BARD1: variants seen among roughly 807,000 people sequenced by gnomAD.
The protein encoded by BARD1 is BRCA1-associated RING domain protein 1.
A neutral mutation model predicts 77.0 loss-of-function variants in BARD1; 73 were observed. The ratio of observed to expected loss-of-function variants is 0.95; its 90% CI spans 0.79 to 1.15. The LOEUF (loss-of-function observed/expected upper bound fraction) is 1.15. Ranked by LOEUF, BARD1 falls within the 50% of genes most tolerant of loss-of-function variation. BARD1 has a pLI of 0.00. For missense variants in BARD1, 993 were observed against 938.8 expected, an observed-to-expected ratio of 1.06 and a Z score of -0.75; for synonymous variants, 384 against 338.0, an observed-to-expected ratio of 1.14 and a Z score of -1.49.
chr2:214,739,413 C>T (rs1012367739), intron 9 of BARD1, among the ~76,000 whole-genome samples: 4 of 152,040 alleles, frequency 2.6e-5, no homozygotes, highest in Non-Finnish European at 5.9e-5. Context: ...TCCTTTGATT[C>T]TATTAAAAAT....
At chr2:214,792,250 G>GT (rs1559436693) in intron 3 of BARD1, 47 bp downstream of exon 3, 2 of 1,579,566 alleles carry the variant, frequency 1.3e-6, no homozygotes, top group African/African-American at 2.7e-5. Flanking sequence ...GAATTCATCA[G>GT]TTTTTAACTG....
At chr2:214,740,377 T>C (rs1483575031) in intron 9 of BARD1, among the ~76,000 whole-genome samples, 1 of 149,426 alleles carries the variant, frequency 6.7e-6, no homozygotes, top group African/African-American at 2.5e-5. Context: ...CCAATTATTA[T>C]TACAACTTGA....
chr2:214,809,440 G>C lies in BARD1; in HGVS notation c.130C>G (p.Leu44Val), dbSNP rs876658807. The change falls in exon 1 of 11, where the codon CTG becomes GTG. Residue 44 changes from leucine to valine, a missense_variant. Leu to Val is a conservative substitution (Grantham distance 32). Transcript: ENST00000260947. ...CGCGAGCAGCGCAGCAGCTTCTCCA[G>C]GCGGTCGAGCGCGGCGCGACTGTGG... ...WAHSRAALDR[L>V]EKLLRCSRCT... 3.1e-6 allele frequency: 5 copies of C among 1,612,140 alleles called. No homozygotes were observed. The Admixed American group carries it at 8.3e-5, about 27-fold the overall frequency.
intron 6 of BARD1, among the ~76,000 whole-genome samples, chr2:214,758,479 C>T (rs1358187189): frequency 2.0e-5 from 3 of 152,182 alleles, no homozygotes; most frequent in Non-Finnish European, 2.9e-5. Context: ...CTCATATCTT[C>T]ATTTTCCCCA....
At chr2:214,751,674 T>C (rs577202802) in intron 7 of BARD1, among the ~76,000 whole-genome samples, 14 of 152,266 alleles carry the variant, frequency 9.2e-5, no homozygotes, top group African/African-American at 2.6e-4. Flanking sequence ...GACTTTCATA[T>C]CCAATTATCT....
At chr2:214,793,770 T>A (rs1333867856) in intron 2 of BARD1, among the ~76,000 whole-genome samples, 2 of 152,158 alleles carry the variant, frequency 1.3e-5, no homozygotes, top group African/African-American at 2.4e-5. Flanking sequence ...CTGAAAAAAA[T>A]GTCATTTTTC....
intron 1 of BARD1, among the ~76,000 whole-genome samples, chr2:214,805,901 G>T (rs752346308): frequency 6.6e-6 from 1 of 152,138 alleles, no homozygotes; most frequent in Non-Finnish European, 1.5e-5. Context: ...ATGCCAAGAG[G>T]TACCTATTAA....
At position 214,728,091 on chromosome 2, in the gene BARD1, T is replaced by A. The variant is rs540801056; in HGVS notation, c.*585A>T. On this transcript the variant is annotated 3_prime_UTR_variant, in exon 11 of 11. Transcript: ENST00000260947. ...ATTAAATCACAATTTCCTGATGATA[T>A]ACAAGATAAAAAACAGGGATGAAAG... is the stretch of plus-strand genomic sequence containing the variant. 4.4e-6 allele frequency: 1 copy of A among 228,166 alleles called. No homozygotes were observed. Among genetic ancestry groups the A allele is most frequent in the Non-Finnish European group, 8.7e-6 (1 of 115,110 alleles). The allele number at this position is 228,166 out of a possible 1,614,324, so 14.1% of individuals were successfully genotyped here.
intron 3 of BARD1, among the ~76,000 whole-genome samples, chr2:214,787,110 A>G (rs1052359592): frequency 1.1e-4 from 16 of 151,938 alleles, no homozygotes; most frequent in African/African-American, 3.6e-4. Flanking sequence ...GACATTTTCA[A>G]TTAAAACCAT....
chr2:214,775,775 C>T (rs1026641039), intron 4 of BARD1, among the ~76,000 whole-genome samples: 1 of 152,172 alleles, frequency 6.6e-6, no homozygotes, highest in African/African-American at 2.4e-5. Context: ...CAAAAGCAGA[C>T]TTATACATAT....
intron 7 of BARD1, among the ~76,000 whole-genome samples, chr2:214,749,067 A>G (rs1693277303): frequency 6.6e-6 from 1 of 152,136 alleles, no homozygotes; most frequent in South Asian, 2.1e-4. Flanking sequence ...GGGGTTAGAC[A>G]GCACTGGGAG....
At chr2:214,762,782 C>A (rs1694020741) in intron 6 of BARD1, among the ~76,000 whole-genome samples, 1 of 152,026 alleles carries the variant, frequency 6.6e-6, no homozygotes, top group South Asian at 2.1e-4. Context: ...ATGTACGTAC[C>A]CAACTTCAAA....
chr2:214,730,157 G>C, intron 10 of BARD1: 1 of 497,852 alleles, frequency 2.0e-6, no homozygotes. Context: ...TCCTGTATCT[G>C]AGATTTACCT....
chr2:214,805,549 A>G (rs1370573685), intron 1 of BARD1, among the ~76,000 whole-genome samples: 3 of 152,218 alleles, frequency 2.0e-5, no homozygotes, highest in East Asian at 3.8e-4. Context: ...TATTTAGTAC[A>G]TAACAGACAC....
chr2:214,728,532 T>G lies in BARD1; in HGVS notation c.*144A>C. 2 of 672,940 alleles carry G rather than the reference T, an allele frequency of 3.0e-6. No homozygotes were observed. The highest frequency in any genetic ancestry group is 2.2e-6 in the Non-Finnish European group (1 of 450,492). 41.7% of individuals were successfully genotyped at this position (672,940 alleles called of 1,614,324 possible). A position where few individuals can be genotyped will look rare whatever the true frequency, so the allele number is the denominator to read the frequency against. ...CATAACATGAATTCCTAATCTGGCA[T>G]TAGACTTTTTTTTTTTTTTTGATTC... On this transcript the variant is annotated 3_prime_UTR_variant, in exon 11 of 11. Transcript: ENST00000260947.
chr2:214,807,331 T>C (rs974948522), intron 1 of BARD1, among the ~76,000 whole-genome samples: 2 of 152,332 alleles, frequency 1.3e-5, no homozygotes, highest in Admixed American at 6.5e-5. Flanking sequence ...TCTTACTGTC[T>C]ACTCACTTCA....
chr2:214,797,486 A>G (rs957868478), intron 1 of BARD1, among the ~76,000 whole-genome samples: 2 of 152,182 alleles, frequency 1.3e-5, no homozygotes, highest in African/African-American at 4.8e-5. Flanking sequence ...CAAAGTGTAG[A>G]CCATATACCT....
intron 8 of BARD1, 82 bp from the exon 9 acceptor site, chr2:214,745,241 A>G (rs1693048615): frequency 5.7e-6 from 7 of 1,225,082 alleles, no homozygotes; most frequent in Non-Finnish European, 7.1e-6. Context: ...ACTCATCTAT[A>G]TTTTGTAAGC....
intron 9 of BARD1, among the ~76,000 whole-genome samples, chr2:214,736,146 G>C (rs1486790590): frequency 6.6e-6 from 1 of 151,824 alleles, no homozygotes; most frequent in East Asian, 1.9e-4. Context: ...ACCACTCACT[G>C]AATTAAAAAC....
Sources: allele counts gnomAD v4.1 joint callset (sites outside exome capture counted in the v4.1 genomes callset), GRCh38; gene constraint gnomAD v4.1.1; transcripts MANE v1.5; gene names NCBI Gene and HGNC (gene_info 2026-07-23, HGNC 2026-07-21).